Variants in MAST4 observed in about 807,000 individuals in gnomAD.
MAST4 encodes the protein microtubule associated serine/threonine kinase family member 4.
A neutral mutation model predicts 162.7 loss-of-function variants in MAST4; 89 were observed. That is an observed-to-expected ratio of 0.55 (90% CI 0.46 to 0.65). The LOEUF (loss-of-function observed/expected upper bound fraction) is 0.65. Among genes scored for constraint, MAST4 ranks in the 30% least tolerant of loss-of-function variants. The probability of loss-of-function intolerance (pLI) is 0.00; values close to 1 mark genes in which losing one functional copy is unlikely to be tolerated. For missense variants in MAST4, 3,153 were observed against 3,374.0 expected, an observed-to-expected ratio of 0.93 and a Z score of 1.62; for synonymous variants, 1,479 against 1,361.1, an observed-to-expected ratio of 1.09 and a Z score of -1.91.
At chr5:66,962,418 A>T (rs1746129286) in intron 4 of MAST4, among the ~76,000 whole-genome samples, 1 of 152,214 alleles carries the variant, frequency 6.6e-6, no homozygotes, top group African/African-American at 2.4e-5. Context: ...ATCTGTAAAA[A>T]AGTAAAAAGG....
chr5:66,957,130 A>G lies in MAST4; in HGVS notation c.674+57148A>G, dbSNP rs75944981. Among the ~76,000 whole-genome samples the G allele has an allele frequency of 7.9e-4, 121 of 152,304 alleles. No homozygotes were observed. In the East Asian group the frequency reaches 0.019, roughly 23 times the overall value. ...TCAGAAGATCTGTGTGTAGAAGGCT[A>G]TTGAATAATATTCTAATGTGTTTCC... is the stretch of plus-strand genomic sequence containing the variant. On this transcript the variant is annotated intron_variant, in intron 4 of 28. Transcript: ENST00000403625.
At chr5:67,019,056 A>T (rs965689284) in intron 4 of MAST4, among the ~76,000 whole-genome samples, 1 of 144,866 alleles carries the variant, frequency 6.9e-6, no homozygotes. Flanking sequence ...ATGTTTTACT[A>T]TATCTCCTGG....
At chr5:67,068,694 CA>C (rs1289094437) in intron 5 of MAST4, among the ~76,000 whole-genome samples, 1 of 152,132 alleles carries the variant, frequency 6.6e-6, no homozygotes, top group Non-Finnish European at 1.5e-5. Context: ...AAAAGAAATA[CA>C]GGCATTTTTT....
At chr5:66,704,441 C>T (rs1291013135) in intron 1 of MAST4, among the ~76,000 whole-genome samples, 1 of 151,416 alleles carries the variant, frequency 6.6e-6, no homozygotes, top group African/African-American at 2.4e-5. Context: ...TTCCATCCTT[C>T]ATCTCTGTTG....
At chr5:67,053,722 C>G (rs1758455123) in intron 4 of MAST4, among the ~76,000 whole-genome samples, 1 of 152,182 alleles carries the variant, frequency 6.6e-6, no homozygotes, top group Non-Finnish European at 1.5e-5. Context: ...AATTGTTGCC[C>G]TGTGCCCATG....
rs1183016759 is a variant in MAST4 at position 67,163,517 on chromosome 5, C to T, written c.4338C>T (p.Ser1446=). ...PRSPLLKRVQ[S]EEKLSPSYGS... ...CCCCGCTGCTCAAGCGCGTGCAGTC[C>T]GAGGAGAAGCTGTCGCCCTCTTACG... The change falls in exon 29 of 29, where the codon TCC becomes TCT. Residue 1446 remains serine, a synonymous_variant. Transcript: ENST00000403625. The surrounding 1 kb of genome is among the most constrained non-coding windows in gnomAD (Gnocchi z 7.0). 1.7e-5 allele frequency: 27 copies of T among 1,609,820 alleles called. No individual in the cohort carries two copies. The highest frequency in any genetic ancestry group is 2.1e-5 in the Non-Finnish European group (25 of 1,178,182).
rs964438237 is a variant in MAST4 at position 66,897,231 on chromosome 5, A to G, written c.643-2720A>G. On this transcript the variant is annotated intron_variant, in intron 3 of 28. Transcript: ENST00000403625. The stretch of plus-strand genomic sequence containing the variant: ...AGTAAATTTTTAACACACACTCCAC[A>G]TATGTCAAGCACAAGCTTGGGTTTA... Among the ~76,000 whole-genome samples the G allele has an allele frequency of 5.8e-4, 88 of 152,156 alleles. 2 individuals are homozygous for G. Among genetic ancestry groups the G allele is most frequent in the Admixed American group, 3.3e-4 (5 of 15,280 alleles).
chr5:66,986,470 C>T lies in MAST4; in HGVS notation c.675-67934C>T, dbSNP rs1027902614. On this transcript the variant is annotated intron_variant, in intron 4 of 28. Transcript: ENST00000403625. ...CCTGTGTGTCCAAATGCTGGGAGAA[C>T]ATCACCCCTTGGATGAATTGCCACC... The T allele has an allele frequency of 3.8e-6, 6 of 1,573,242 alleles. No homozygotes were observed. The African/African-American group carries it at 8.1e-5, about 21-fold the overall frequency.
At chr5:67,031,420 G>GTTGGAAAGA (rs2150434318) in intron 4 of MAST4, among the ~76,000 whole-genome samples, 1 of 152,240 alleles carries the variant, frequency 6.6e-6, no homozygotes, top group South Asian at 2.1e-4. Context: ...CTTTGAATAA[G>GTTGGAAAGA]TTGGAAAGAT....
intron 5 of MAST4, among the ~76,000 whole-genome samples, chr5:67,064,478 T>C (rs903561671): frequency 6.6e-6 from 1 of 152,184 alleles, no homozygotes; most frequent in Non-Finnish European, 1.5e-5. Flanking sequence ...AAGTCAAGGA[T>C]TACTTTCCCC....
intron 4 of MAST4, among the ~76,000 whole-genome samples, chr5:66,964,459 G>T (rs1460511643): frequency 6.6e-6 from 1 of 151,682 alleles, no homozygotes; most frequent in African/African-American, 2.4e-5. Context: ...GTATCTAATC[G>T]GAAGACACAC....
At chr5:66,956,577 C>G (rs1253583797) in intron 4 of MAST4, among the ~76,000 whole-genome samples, 1 of 152,188 alleles carries the variant, frequency 6.6e-6, no homozygotes, top group African/African-American at 2.4e-5. Context: ...TTGATTCTTC[C>G]CCTGTATCAG....
chr5:66,825,003 C>G (rs1343928546), intron 3 of MAST4, among the ~76,000 whole-genome samples: 1 of 152,152 alleles, frequency 6.6e-6, no homozygotes, highest in Non-Finnish European at 1.5e-5. Context: ...CTACTGTAGA[C>G]TTTACAAATA....
At chr5:66,773,155 C>G (rs975511789) in intron 2 of MAST4, among the ~76,000 whole-genome samples, 5 of 152,148 alleles carry the variant, frequency 3.3e-5, no homozygotes, top group African/African-American at 1.2e-4. Flanking sequence ...GACTCTAAGT[C>G]AGTTCCACAG....
chr5:66,833,136 A>C (rs1240966155), intron 3 of MAST4, among the ~76,000 whole-genome samples: 1 of 152,180 alleles, frequency 6.6e-6, no homozygotes, highest in Admixed American at 6.5e-5. Flanking sequence ...AAATAAACAA[A>C]TTTGTTTACT....
chr5:66,726,469 T>G (rs957982795), intron 1 of MAST4, among the ~76,000 whole-genome samples: 2 of 152,132 alleles, frequency 1.3e-5, no homozygotes, highest in Non-Finnish European at 2.9e-5. Context: ...GAGCAGTTAT[T>G]GAGGCTGGAG....
chr5:67,023,629 G>A (rs903719565), intron 4 of MAST4, among the ~76,000 whole-genome samples: 3 of 152,062 alleles, frequency 2.0e-5, no homozygotes, highest in African/African-American at 7.2e-5. Flanking sequence ...TGAACATGGT[G>A]GAGGACTAAG....
intron 1 of MAST4, among the ~76,000 whole-genome samples, chr5:66,635,751 C>T (rs554912215): frequency 1.3e-5 from 2 of 151,038 alleles, no homozygotes; most frequent in African/African-American, 4.9e-5. Context: ...GATCTTGGCT[C>T]ACTGCAACCT....
chr5:66,848,639 G>T (rs535965642), intron 3 of MAST4, among the ~76,000 whole-genome samples: 12 of 152,208 alleles, frequency 7.9e-5, no homozygotes, highest in Admixed American at 3.3e-4. Flanking sequence ...CTCATCTGTC[G>T]ACTCTTAGAT....
Sources: allele counts gnomAD v4.1 joint callset (sites outside exome capture counted in the v4.1 genomes callset), GRCh38; gene constraint gnomAD v4.1.1; non-coding constraint Gnocchi (gnomAD v3.1); transcripts MANE v1.5; gene names NCBI Gene and HGNC (gene_info 2026-07-23, HGNC 2026-07-21).